The following APOBEC1 variants were observed in gnomAD, a reference collection of about 807,000 sequenced individuals.
APOBEC1 encodes the protein C->U-editing enzyme APOBEC-1.
Under a neutral mutation model 26.3 loss-of-function variants are expected in APOBEC1, and 22 were observed. The ratio of observed to expected loss-of-function variants is 0.84; its 90% CI spans 0.60 to 1.19. APOBEC1 has a LOEUF of 1.19. Among genes scored for constraint, APOBEC1 ranks in the 50% most tolerant of loss-of-function variants. The pLI, the probability that APOBEC1 is intolerant of heterozygous loss-of-function variation, is 0.00. For missense variants in APOBEC1, 253 were observed against 289.0 expected (o/e 0.88, Z 0.90); for synonymous variants, 77 against 95.3 (o/e 0.81, Z 1.12).
Position 7,662,221 on chromosome 12 carries a change from C to T in APOBEC1, c.16+3636G>A, listed in dbSNP as rs11055089. On this transcript the variant is annotated intron_variant, in intron 1 of 4. Transcript: ENST00000229304. ...TCGAGGCTACAGTGAGCCATGATCG[C>T]CATTGCACTCCAGCCTGGGCGACAG... Among the ~76,000 whole-genome samples, 7 of 152,234 alleles carry T rather than the reference C, an allele frequency of 4.6e-5. No homozygotes were observed. In the East Asian group the frequency reaches 1.4e-3, roughly 29 times the overall value.
upstream of APOBEC1, among the ~76,000 whole-genome samples, chr12:7,667,910 TA>T (rs766377169): frequency 1.1e-4 from 7 of 65,866 alleles, no homozygotes; most frequent in Admixed American, 4.8e-4. Context: ...AGACTACGTC[TA>T]AAAAAAAAAA....
chr12:7,654,711 A>G, intron 1 of APOBEC1, 79 bp from the exon 2 acceptor site: 1 of 1,308,588 alleles, frequency 7.6e-7, no homozygotes, highest in Non-Finnish European at 1.1e-6. Context: ...CTATTATTCC[A>G]AACCTCCAAA....
chr12:7,651,225 A>G, intron 3 of APOBEC1, 84 bp from the exon 4 acceptor site: 1 of 956,508 alleles, frequency 1.0e-6, no homozygotes, highest in Non-Finnish European at 1.7e-6. Context: ...TCCCGTATAG[A>G]AAGCCTGTAG....
intron 2 of APOBEC1, 22 bp downstream of exon 2, chr12:7,654,583 A>G (rs1386459932): frequency 1.2e-6 from 2 of 1,612,354 alleles, no homozygotes; most frequent in Admixed American, 3.3e-5. Flanking sequence ...TTAAATGGGC[A>G]CTGTGATAGT....
intron 1 of APOBEC1, among the ~76,000 whole-genome samples, chr12:7,662,485 A>G (rs1863833705): frequency 6.6e-6 from 1 of 151,930 alleles, no homozygotes; most frequent in Non-Finnish European, 1.5e-5. Context: ...CGGGAGGCTG[A>G]GGCAGGAGAA....
At chr12:7,663,926 G>A (rs1001777396) in intron 1 of APOBEC1, among the ~76,000 whole-genome samples, 2 of 151,754 alleles carry the variant, frequency 1.3e-5, no homozygotes, top group Admixed American at 6.6e-5. Context: ...GCGCGATCTC[G>A]GCTCACTGCA....
At chr12:7,660,375 G>GAAAGAAAAAGAAAAA (rs1555094887) in intron 1 of APOBEC1, among the ~76,000 whole-genome samples, 2 of 23,950 alleles carry the variant, frequency 8.4e-5, no homozygotes, top group Admixed American at 5.0e-4. Context: ...AAGGAAGGAA[G>GAAAGAAAAAGAAAAA]GAAAGAAAGA....
chr12:7,663,296 T>C (rs566121874), intron 1 of APOBEC1, among the ~76,000 whole-genome samples: 118 of 152,280 alleles, frequency 7.7e-4, no homozygotes, highest in Non-Finnish European at 1.2e-3. Flanking sequence ...GACTTGGGCA[T>C]GGCATGGTTT....
At chr12:7,653,378 C>A (rs1315477482) in intron 2 of APOBEC1, among the ~76,000 whole-genome samples, 1 of 152,062 alleles carries the variant, frequency 6.6e-6, no homozygotes, top group Non-Finnish European at 1.5e-5. Flanking sequence ...TTTCTTCCCC[C>A]AGTCACATTA....
intron 1 of APOBEC1, among the ~76,000 whole-genome samples, chr12:7,656,713 A>G (rs1345910967): frequency 6.6e-6 from 1 of 152,192 alleles, no homozygotes; most frequent in Non-Finnish European, 1.5e-5. Context: ...AAGATTGCCT[A>G]TTCCACAAGG....
chr12:7,666,664 A>G (rs1432271310), upstream of APOBEC1, among the ~76,000 whole-genome samples: 4 of 152,182 alleles, frequency 2.6e-5, no homozygotes, highest in East Asian at 5.8e-4. Context: ...ATCTGTAACT[A>G]TAGCTTGAAA....
intron 1 of APOBEC1, among the ~76,000 whole-genome samples, chr12:7,659,373 T>TCACACA (rs147840833): frequency 0.48 from 54,116 of 113,766 alleles, 13,664 homozygotes; most frequent in Middle Eastern, 0.61. Flanking sequence ...AATTTAAAAA[T>TCACACA]CACACACACA....
At chr12:7,666,333 G>A (rs1049259229), upstream of APOBEC1, among the ~76,000 whole-genome samples, 4 of 148,818 alleles carry the variant, frequency 2.7e-5, no homozygotes, top group African/African-American at 1.0e-4. Flanking sequence ...TGCTCTTGTC[G>A]CCCAGGCTGG....
Position 7,660,120 on chromosome 12 carries a change from T to C in APOBEC1, c.17-5488A>G, listed in dbSNP as rs916349977. ...GGGTTCAAGACTAGCCTGGGCAACA[T>C]GGTGAAACCCCGTCTCTACTAAAAA... On this transcript the variant is annotated intron_variant, in intron 1 of 4. Coordinates refer to ENST00000229304, the MANE Select transcript of APOBEC1 (RefSeq NM_001644.5). Among the ~76,000 whole-genome samples, 5 of 151,218 alleles carry C rather than the reference T, an allele frequency of 3.3e-5. No individual in the cohort carries two copies. The South Asian group carries it at 8.3e-4, about 25-fold the overall frequency.
chr12:7,652,477 C>A lies in APOBEC1; in HGVS notation c.403G>T (p.Val135Phe). 6.2e-7 allele frequency: 1 copy of A among 1,613,924 alleles called. No individual in the cohort carries two copies. The highest frequency in any genetic ancestry group is 8.5e-7 in the Non-Finnish European group (1 of 1,179,960). The part of the protein sequence containing the change: ...QQNRQGLRDL[V>F]NSGVTIQIMR... Reference sequence around the variant, plus strand: ...ATCTGAATAGTTACTCCACTGTTAACAAGGTCCCTGAGACCTTGCCGATTT... The same window carrying A: ...ATCTGAATAGTTACTCCACTGTTAAAAAGGTCCCTGAGACCTTGCCGATTT... The change falls in exon 3 of 5, where the codon GTT becomes TTT. Residue 135 changes from valine (V) to phenylalanine (F), a missense_variant. Val to Phe is a conservative substitution (Grantham distance 50, BLOSUM62 -1). Transcript: ENST00000229304.
At chr12:7,656,815 A>G (rs1863721259) in intron 1 of APOBEC1, among the ~76,000 whole-genome samples, 1 of 152,202 alleles carries the variant, frequency 6.6e-6, no homozygotes, top group Admixed American at 6.6e-5. Flanking sequence ...CACTGTTATT[A>G]CGGCAGCCTT....
intron 1 of APOBEC1, among the ~76,000 whole-genome samples, chr12:7,659,322 A>AAAAATATATATATAT (rs1555094633): frequency 2.2e-5 from 1 of 46,280 alleles, no homozygotes; most frequent in African/African-American, 1.3e-4. Context: ...AAAAAAAAAA[A>AAAAATATATATATAT]ATATATATAT....
chr12:7,652,206 C>A (rs1176110325), intron 3 of APOBEC1, among the ~76,000 whole-genome samples: 1 of 152,198 alleles, frequency 6.6e-6, no homozygotes, highest in African/African-American at 2.4e-5. Context: ...GATCCTCCTG[C>A]CTTGGCCTCC....
intron 1 of APOBEC1, among the ~76,000 whole-genome samples, chr12:7,659,220 G>C (rs1307946014): frequency 7.4e-6 from 1 of 136,016 alleles, no homozygotes; most frequent in Middle Eastern, 3.9e-3. Context: ...CTTGAACCCA[G>C]GAGGTGGAGG....
Sources: gnomAD v4.1 joint callset for allele counts (sites outside exome capture counted in the v4.1 genomes callset) on GRCh38, gnomAD v4.1.1 for gene constraint, MANE v1.5 for transcripts, NCBI Gene and HGNC (gene_info 2026-07-23, HGNC 2026-07-21) for gene names.